Variants in GRID2 observed in about 807,000 individuals in gnomAD.
The protein encoded by GRID2 is glutamate ionotropic receptor delta type subunit 2.
A neutral mutation model predicts 114.8 loss-of-function variants in GRID2; 33 were observed. The observed-to-expected ratio is 0.29, with a 90% CI of 0.22 to 0.38. GRID2 has a LOEUF of 0.38. Ranked by LOEUF, GRID2 falls within the 10% of genes least tolerant of loss-of-function variation. The pLI is 1.00. For synonymous variants in GRID2, 505 were observed against 449.9 expected, an observed-to-expected ratio of 1.12 and a Z score of -1.55; for missense variants, 1,184 against 1,257.7, an observed-to-expected ratio of 0.94 and a Z score of 0.89.
At chr4:93,025,489 G>A (rs1723796993) in intron 2 of GRID2, among the ~76,000 whole-genome samples, 1 of 151,646 alleles carries the variant, frequency 6.6e-6, no homozygotes. Flanking sequence ...AACAAAATCA[G>A]GTCCTCTAGT....
chr4:92,887,217 T>C (rs897537653), intron 2 of GRID2, among the ~76,000 whole-genome samples: 6 of 152,234 alleles, frequency 3.9e-5, no homozygotes, highest in African/African-American at 9.6e-5. Context: ...CCCAGCAACA[T>C]AATGTCTGGA....
chr4:93,071,605 A>T (rs1321237762), intron 2 of GRID2, among the ~76,000 whole-genome samples: 1 of 152,112 alleles, frequency 6.6e-6, no homozygotes, highest in Admixed American at 6.6e-5. Context: ...AAGATGAAGG[A>T]ATATCTAGGT....
At chr4:92,621,123 T>C (rs1257976060) in intron 2 of GRID2, among the ~76,000 whole-genome samples, 2 of 151,712 alleles carry the variant, frequency 1.3e-5, no homozygotes, top group South Asian at 2.1e-4. Flanking sequence ...ACATGTGTCA[T>C]GGTGAATTGC....
Position 92,992,653 on chromosome 4 carries a change from A to T in GRID2, c.245-92342A>T, listed in dbSNP as rs1025680632. On this transcript the variant is annotated intron_variant, in intron 2 of 15. Coordinates refer to ENST00000282020, the MANE Select transcript of GRID2 (RefSeq NM_001510.4). ...AGAATTTCCATTTAAGCTTGGATCA[A>T]ACATGCTGGCACATGACTGCCTTTG... 3.9e-5 allele frequency among the ~76,000 whole-genome samples: 6 copies of T among 152,220 alleles called. No individual in the cohort carries two copies. The East Asian group carries it at 1.2e-3, about 29-fold the overall frequency.
chr4:93,384,343 A>T (rs1764128207), intron 8 of GRID2, among the ~76,000 whole-genome samples: 1 of 152,126 alleles, frequency 6.6e-6, no homozygotes. Flanking sequence ...AGGAGGAATT[A>T]TCTGTGGCCA....
chr4:92,705,864 T>C (rs139600610), intron 2 of GRID2, among the ~76,000 whole-genome samples: 376 of 152,302 alleles, frequency 2.5e-3, no homozygotes, highest in Non-Finnish European at 4.4e-3. Context: ...GAGGTACAGA[T>C]AATGAAAATC....
chr4:92,398,490 G>A (rs1306814720), intron 1 of GRID2, among the ~76,000 whole-genome samples: 1 of 152,062 alleles, frequency 6.6e-6, no homozygotes, highest in Non-Finnish European at 1.5e-5. Flanking sequence ...TGGTAGACAA[G>A]TTTTTGCCAT....
chr4:93,031,645 TTC>T (rs920608375), intron 2 of GRID2, among the ~76,000 whole-genome samples: 2 of 152,240 alleles, frequency 1.3e-5, no homozygotes, highest in Admixed American at 1.3e-4. Context: ...CCCACACAAA[TTC>T]TCTCTCTTGC....
At chr4:92,456,822 A>G (rs1721239574) in intron 1 of GRID2, among the ~76,000 whole-genome samples, 1 of 152,152 alleles carries the variant, frequency 6.6e-6, no homozygotes, top group Non-Finnish European at 1.5e-5. Context: ...CTATGTTATG[A>G]TAACAACTAC....
intron 2 of GRID2, among the ~76,000 whole-genome samples, chr4:92,857,448 T>A (rs1164544504): frequency 6.6e-6 from 1 of 152,186 alleles, no homozygotes; most frequent in African/African-American, 2.4e-5. Flanking sequence ...AAGTGCCTTG[T>A]TGCTGATATA....
intron 2 of GRID2, among the ~76,000 whole-genome samples, chr4:92,909,529 C>T (rs913259299): frequency 6.6e-5 from 10 of 152,078 alleles, no homozygotes; most frequent in South Asian, 2.1e-4. Context: ...ATTTGCCTAA[C>T]GCTGTCCTGA....
intron 14 of GRID2, among the ~76,000 whole-genome samples, chr4:93,699,687 C>T (rs568971023): frequency 7.2e-5 from 11 of 152,124 alleles, no homozygotes; most frequent in South Asian, 2.1e-4. Context: ...AGGTGGAACC[C>T]TGAGTATGAA....
At chr4:92,331,293 T>C (rs539083345) in intron 1 of GRID2, among the ~76,000 whole-genome samples, 1 of 152,320 alleles carries the variant, frequency 6.6e-6, no homozygotes, top group East Asian at 1.9e-4. Context: ...CCACAAAAAG[T>C]GCCAGTGGAT....
intron 8 of GRID2, among the ~76,000 whole-genome samples, chr4:93,257,999 TACACACACACAC>T (rs3970979): frequency 0.022 from 778 of 36,000 alleles, 12 homozygotes; most frequent in African/African-American, 0.071. Flanking sequence ...TATATATATA[TACACACACACAC>T]ACACACACAC....
intron 14 of GRID2, among the ~76,000 whole-genome samples, chr4:93,699,922 A>T (rs1248155359): frequency 6.6e-6 from 1 of 152,114 alleles, no homozygotes; most frequent in East Asian, 1.9e-4. Flanking sequence ...ATTTGCTCTA[A>T]ACTAGACTTC....
intron 8 of GRID2, among the ~76,000 whole-genome samples, chr4:93,293,118 T>C (rs978205983): frequency 2.6e-5 from 4 of 152,058 alleles, no homozygotes; most frequent in Non-Finnish European, 5.9e-5. Flanking sequence ...TAACCACCCA[T>C]CCTCCCCAGG....
At chr4:93,658,317 C>G (rs1255847655) in intron 14 of GRID2, among the ~76,000 whole-genome samples, 1 of 151,972 alleles carries the variant, frequency 6.6e-6, no homozygotes, top group East Asian at 1.9e-4. Flanking sequence ...GGAGCATCAA[C>G]AGAAGTTAGT....
chr4:92,476,927 C>T lies in GRID2; in HGVS notation c.89-113204C>T, dbSNP rs902925443. Among the ~76,000 whole-genome samples the T allele has an allele frequency of 4.6e-5, 7 of 150,788 alleles. No homozygotes were observed. In the South Asian group the frequency reaches 8.4e-4, roughly 18 times the overall value. ...AAAATTGAAATAATATATACTTTAC[C>T]GACTGGTGGAGTGGTCCAAAGAACA... On this transcript the variant is annotated intron_variant, in intron 1 of 15. Transcript: ENST00000282020.
chr4:92,593,732 T>G (rs1348543044), intron 2 of GRID2, among the ~76,000 whole-genome samples: 1 of 151,810 alleles, frequency 6.6e-6, no homozygotes, highest in Non-Finnish European at 1.5e-5. Context: ...GATTATTCTT[T>G]TTTCCTTTCT....
Sources: gnomAD v4.1 joint callset for allele counts (sites outside exome capture counted in the v4.1 genomes callset) on GRCh38, gnomAD v4.1.1 for gene constraint, MANE v1.5 for transcripts, NCBI Gene and HGNC (gene_info 2026-07-23, HGNC 2026-07-21) for gene names.